Variants in FUT8 observed in about 807,000 individuals in gnomAD.
FUT8 encodes the protein fucosyltransferase 8, also known as alpha-(1,6)-fucosyltransferase.
A neutral mutation model predicts 71.3 loss-of-function variants in FUT8; 29 were observed. That is an observed-to-expected ratio of 0.41 (90% CI 0.30 to 0.55). FUT8 has a LOEUF of 0.55. Ranked by LOEUF, FUT8 falls within the 20% of genes least tolerant of loss-of-function variation. The pLI is 0.34. For synonymous variants in FUT8, 254 were observed against 239.3 expected (o/e 1.06, Z -0.57); for missense variants, 544 against 702.1 (o/e 0.77, Z 2.55).
intron 1 of FUT8, among the ~76,000 whole-genome samples, chr14:65,431,299 C>CT (rs138985726): frequency 1.0e-4 from 10 of 98,814 alleles, no homozygotes; most frequent in African/African-American, 1.2e-4. Context: ...CTGCGCCGGC[C>CT]TTTTTTTTTT....
At chr14:65,690,548 GTTTC>G (rs1893522846) in intron 7 of FUT8, among the ~76,000 whole-genome samples, 1 of 151,430 alleles carries the variant, frequency 6.6e-6, no homozygotes, top group Admixed American at 6.6e-5. Context: ...ATTTTCTTTG[GTTTC>G]TTTCTTCAGT....
intron 3 of FUT8, among the ~76,000 whole-genome samples, chr14:65,590,074 A>G (rs957193987): frequency 2.6e-5 from 4 of 152,262 alleles, no homozygotes; most frequent in East Asian, 1.9e-4. Flanking sequence ...CGACATACCA[A>G]TGGGTAACAC....
intron 6 of FUT8, among the ~76,000 whole-genome samples, chr14:65,662,559 A>C (rs1286187955): frequency 6.6e-6 from 1 of 152,224 alleles, no homozygotes; most frequent in Non-Finnish European, 1.5e-5. Flanking sequence ...CTCGTGATTG[A>C]GCTACCTTGC....
At chr14:65,729,171 A>C (rs142107647) in intron 9 of FUT8, among the ~76,000 whole-genome samples, 116 of 150,218 alleles carry the variant, frequency 7.7e-4, no homozygotes, top group African/African-American at 2.4e-3. Flanking sequence ...GACCATTGGC[A>C]TGCAGCATCA....
intron 3 of FUT8, among the ~76,000 whole-genome samples, chr14:65,584,639 A>G (rs1263328086): frequency 1.3e-5 from 2 of 152,260 alleles, no homozygotes; most frequent in Admixed American, 1.3e-4. Flanking sequence ...AAGTAGAGAA[A>G]TTCAAGAGAT....
At chr14:65,707,712 C>A (rs1233328079) in intron 7 of FUT8, among the ~76,000 whole-genome samples, 3 of 152,100 alleles carry the variant, frequency 2.0e-5, no homozygotes, top group African/African-American at 7.2e-5. Context: ...TTTCCCAATA[C>A]TGTTTATTGA....
chr14:65,372,541 G>A, the FUT8 span, among the ~76,000 whole-genome samples: 6 of 151,602 alleles, frequency 4.0e-5, no homozygotes, highest in African/African-American at 7.3e-5. Context: ...TCAGCCTCCC[G>A]AGTAGCTGGG....
At position 65,598,931 on chromosome 14, in the gene FUT8, C is replaced by T. The variant is rs1395777767; in HGVS notation, c.204-17047C>T. ...TCACCCTCCTCAGTAGCTGGGACTACAGGCATGCACCACCACGCCTGGCTA... is the reference window on the plus strand; with the variant it reads ...TCACCCTCCTCAGTAGCTGGGACTATAGGCATGCACCACCACGCCTGGCTA... On this transcript the variant is annotated intron_variant, in intron 3 of 10. Coordinates refer to ENST00000673929, the MANE Select transcript of FUT8 (RefSeq NM_001371533.1). Among the ~76,000 whole-genome samples the T allele has an allele frequency of 2.0e-5, 3 of 152,098 alleles. No homozygotes were observed. The East Asian group carries it at 5.8e-4, about 29-fold the overall frequency.
Position 65,742,377 on chromosome 14 carries a change from C to G in FUT8, c.1695C>G (p.Val565=). 2.5e-6 allele frequency: 4 copies of G among 1,612,498 alleles called. No individual in the cohort carries two copies. Among genetic ancestry groups the G allele is most frequent in the Non-Finnish European group, 3.4e-6 (4 of 1,179,062 alleles). Residue 565 remains valine, a synonymous_variant, in exon 11 of 11, where the codon GTC becomes GTG. Coordinates refer to ENST00000673929, the MANE Select transcript of FUT8 (RefSeq NM_001371533.1). ...SYKVREKIET[V]KYPTYPEAEK ...AAGTTCGAGAGAAGATAGAAACGGT[C>G]AAGTACCCCACATATCCTGAGGCTG... is the stretch of plus-strand genomic sequence containing the variant.
chr14:65,510,075 G>T (rs12895074), intron 2 of FUT8, among the ~76,000 whole-genome samples: 51,095 of 151,926 alleles, frequency 0.34, 11,025 homozygotes, highest in Non-Finnish European at 0.48. Flanking sequence ...TGGGTCTTTT[G>T]TATATGGCTT....
In FUT8 at chr14:65,702,345, C is replaced by CAA. The variant is rs71989314; in HGVS notation, c.836-19416_836-19415dup. Among the ~76,000 whole-genome samples the CAA allele has an allele frequency of 3.5e-3, 467 of 134,806 alleles. 2 individuals are homozygous for CAA. The highest frequency in any genetic ancestry group is 0.02 in the South Asian group (84 of 4,218). 88.4% of individuals were successfully genotyped at this position (134,806 alleles called of 152,430 possible). On this transcript the variant is annotated intron_variant, in intron 7 of 10. Coordinates refer to ENST00000673929, the MANE Select transcript of FUT8 (RefSeq NM_001371533.1). ...GGGCAGCAAGAACAAAACTCCATCT[C>CAA]AAAAAAAAAAAAAAAGGGAACAAGA...
At chr14:65,576,247 G>A (rs1886769431) in intron 3 of FUT8, among the ~76,000 whole-genome samples, 1 of 152,058 alleles carries the variant, frequency 6.6e-6, no homozygotes, top group South Asian at 2.1e-4. Context: ...ATTTTTAAAT[G>A]GTTGGATCAA....
intron 7 of FUT8, among the ~76,000 whole-genome samples, chr14:65,697,811 TA>T (rs1219801274): frequency 1.3e-5 from 2 of 152,092 alleles, no homozygotes; most frequent in Admixed American, 1.3e-4. Flanking sequence ...CCATTTCTAC[TA>T]AAAATACAAA....
In FUT8 at chr14:65,448,124, C is replaced by CTTAGAGAT. The variant is rs577987605; in HGVS notation, c.-325-7496_-325-7489dup. Among the ~76,000 whole-genome samples the CTTAGAGAT allele has an allele frequency of 2.3e-4, 35 of 152,278 alleles. No individual in the cohort carries two copies. The South Asian group carries it at 5.0e-3, about 22-fold the overall frequency. ...CTTTATCTTACCTAGTAAGAGATAG[C>CTTAGAGAT]TTAGAGATAGTAGCCAAAATATCCA... On this transcript the variant is annotated intron_variant, in intron 1 of 10. Transcript: ENST00000673929.
At chr14:65,595,416 C>G (rs1305914548) in intron 3 of FUT8, among the ~76,000 whole-genome samples, 3 of 152,092 alleles carry the variant, frequency 2.0e-5, no homozygotes. Context: ...CCAGGGTTTA[C>G]TTCATCCTCC....
At chr14:65,580,276 G>A (rs1433635009) in intron 3 of FUT8, among the ~76,000 whole-genome samples, 1 of 151,318 alleles carries the variant, frequency 6.6e-6, no homozygotes, top group African/African-American at 2.4e-5. Context: ...GCATGTTGCT[G>A]TACTGAATAC....
At chr14:65,441,678 G>C (rs1036278387) in intron 1 of FUT8, among the ~76,000 whole-genome samples, 1 of 142,724 alleles carries the variant, frequency 7.0e-6, no homozygotes, top group Non-Finnish European at 1.5e-5. Context: ...GCCTGAATCC[G>C]GGAGGCAGAG....
intron 1 of FUT8, among the ~76,000 whole-genome samples, chr14:65,433,328 G>T (rs937956835): frequency 1.3e-5 from 2 of 152,076 alleles, no homozygotes; most frequent in African/African-American, 4.8e-5. Context: ...AGTAGGATAT[G>T]GTACATAGTG....
At chr14:65,386,748 A>G in the FUT8 span, among the ~76,000 whole-genome samples, 1 of 146,770 alleles carries the variant, frequency 6.8e-6, no homozygotes, top group Non-Finnish European at 1.5e-5. Context: ...GATTCTTTAT[A>G]TGCCTGGTAA....
Sources: gnomAD v4.1 joint callset for allele counts (sites outside exome capture counted in the v4.1 genomes callset) on GRCh38, gnomAD v4.1.1 for gene constraint, MANE v1.5 for transcripts, NCBI Gene and HGNC (gene_info 2026-07-23, HGNC 2026-07-21) for gene names.